MLLT3: variants seen among roughly 807,000 people sequenced by gnomAD.
The protein encoded by MLLT3 is MLLT3 super elongation complex subunit.
A neutral mutation model predicts 53.2 loss-of-function variants in MLLT3; 4 were observed. The observed-to-expected ratio is 0.08, with a 90% CI of 0.04 to 0.17. The LOEUF is 0.17. Among genes scored for constraint, MLLT3 ranks in the 10% least tolerant of loss-of-function variants. MLLT3 has a pLI of 1.00. For synonymous variants in MLLT3, 283 were observed against 230.6 expected (o/e 1.23, Z -2.06); for missense variants, 569 against 684.0 (o/e 0.83, Z 1.87).
chr9:20,379,697 C>G (rs531289334), intron 5 of MLLT3, among the ~76,000 whole-genome samples: 1 of 152,126 alleles, frequency 6.6e-6, no homozygotes, highest in South Asian at 2.1e-4. Context: ...TCCTAACCAT[C>G]TGCCTTTTAA....
chr9:20,538,754 C>A (rs1221231428), intron 2 of MLLT3, among the ~76,000 whole-genome samples: 3 of 151,994 alleles, frequency 2.0e-5, no homozygotes, highest in African/African-American at 7.2e-5. Flanking sequence ...AATAAAACAC[C>A]AATGTTTTTT....
intron 2 of MLLT3, among the ~76,000 whole-genome samples, chr9:20,495,807 T>C (rs1407947872): frequency 6.6e-6 from 1 of 152,188 alleles, no homozygotes; most frequent in East Asian, 1.9e-4. Context: ...ATTGACCAAT[T>C]TGAGGAAGCA....
At chr9:20,550,047 A>C (rs972390559) in intron 2 of MLLT3, among the ~76,000 whole-genome samples, 2 of 152,232 alleles carry the variant, frequency 1.3e-5, no homozygotes, top group African/African-American at 4.8e-5. Context: ...TAATATCATG[A>C]ACTCCAAACC....
intron 2 of MLLT3, among the ~76,000 whole-genome samples, chr9:20,479,507 C>T (rs902844916): frequency 6.6e-6 from 1 of 151,948 alleles, no homozygotes; most frequent in African/African-American, 2.4e-5. Flanking sequence ...AAGCTGAGAC[C>T]TTTTCCATTT....
chr9:20,580,867 A>C (rs984989125), intron 2 of MLLT3, among the ~76,000 whole-genome samples: 1 of 152,212 alleles, frequency 6.6e-6, no homozygotes, highest in African/African-American at 2.4e-5. Context: ...CCAGAACTAC[A>C]ACAATTTACA....
At chr9:20,386,004 C>G (rs1026339021) in intron 5 of MLLT3, among the ~76,000 whole-genome samples, 1 of 152,154 alleles carries the variant, frequency 6.6e-6, no homozygotes, top group African/African-American at 2.4e-5. Context: ...TCACTCCACT[C>G]TGGTTCTGGT....
At chr9:20,550,026 G>T (rs953703010) in intron 2 of MLLT3, among the ~76,000 whole-genome samples, 1 of 152,128 alleles carries the variant, frequency 6.6e-6, no homozygotes, top group Non-Finnish European at 1.5e-5. Context: ...TGCTAACTAA[G>T]GAATTGCTTC....
intron 5 of MLLT3, among the ~76,000 whole-genome samples, chr9:20,367,085 A>T (rs1563938819): frequency 6.6e-6 from 1 of 152,236 alleles, no homozygotes; most frequent in South Asian, 2.1e-4. Flanking sequence ...GAGTCAAGGG[A>T]AAATGTCGCC....
intron 4 of MLLT3, among the ~76,000 whole-genome samples, chr9:20,429,200 G>T (rs983851303): frequency 7.2e-5 from 11 of 151,854 alleles, no homozygotes; most frequent in Non-Finnish European, 1.5e-4. Flanking sequence ...AGACCCCACT[G>T]CTAAAAAAGA....
rs193233706 is a variant in MLLT3, at chr9:20,344,901, T to G, written c.*1542A>C. The G allele has an allele frequency of 1.1e-4, 23 of 212,786 alleles. No individual in the cohort carries two copies. Among genetic ancestry groups the G allele is most frequent in the Middle Eastern group, 1.5e-3 (1 of 646 alleles). 13.2% of individuals were successfully genotyped at this position (212,786 alleles called of 1,614,324 possible). ...TGGTCTATTAGCACACATAGAGACT[T>G]TCTTAAGGCTGATCCAGTGACGAAC... is the stretch of plus-strand genomic sequence containing the variant. On this transcript the variant is annotated 3_prime_UTR_variant, in exon 11 of 11. Transcript: ENST00000380338.
chr9:20,424,594 A>C (rs1324022844), intron 4 of MLLT3, among the ~76,000 whole-genome samples: 1 of 152,210 alleles, frequency 6.6e-6, no homozygotes, highest in Non-Finnish European at 1.5e-5. Context: ...AGAATTTGAA[A>C]TATTTTACAC....
At chr9:20,531,079 CTTT>C (rs371687632) in intron 2 of MLLT3, among the ~76,000 whole-genome samples, 4 of 125,242 alleles carry the variant, frequency 3.2e-5, no homozygotes, top group Non-Finnish European at 5.2e-5. Context: ...TTGCTTTTAG[CTTT>C]TTTTTTTTTT....
At chr9:20,588,154 A>G (rs1316074591) in intron 2 of MLLT3, among the ~76,000 whole-genome samples, 1 of 152,012 alleles carries the variant, frequency 6.6e-6, no homozygotes, top group Non-Finnish European at 1.5e-5. Context: ...ATAGTTGTAG[A>G]TATGCGGCGT....
At chr9:20,483,998 A>C (rs1016557711) in intron 2 of MLLT3, among the ~76,000 whole-genome samples, 2 of 152,062 alleles carry the variant, frequency 1.3e-5, no homozygotes, top group East Asian at 1.9e-4. Context: ...GGAGTGAGCC[A>C]CCGTGCCCGG....
Position 20,414,070 on chromosome 9 carries a change from A to T in MLLT3, c.776T>A (p.Met259Lys), listed in dbSNP as rs1822801198. 6.2e-7 allele frequency: 1 copy of T among 1,613,850 alleles called. No individual in the cohort carries two copies. Among genetic ancestry groups the T allele is most frequent in the African/African-American group, 1.3e-5 (1 of 74,864 alleles). Reference sequence around the variant, plus strand: ...ACTATCTGGTTTTGGCTCTTTTGACATGGGTTTAGGTTCCTTGAAGGCCAT... The same window carrying T: ...ACTATCTGGTTTTGGCTCTTTTGACTTGGGTTTAGGTTCCTTGAAGGCCAT... ...PKMAFKEPKP[M>K]SKEPKPDSNL... The change falls in exon 5 of 11, where the codon ATG becomes AAG. Residue 259 changes from methionine (M) to lysine (K), a missense_variant. Transcript: ENST00000380338.
chr9:20,448,104 A>G lies in MLLT3; in HGVS notation c.420+19T>C, dbSNP rs756206214. On this transcript the variant is annotated intron_variant, in intron 4 of 10. Coordinates refer to ENST00000380338, the MANE Select transcript of MLLT3 (RefSeq NM_004529.4). This position sits in a 1 kb window ranked among gnomAD's most constrained non-coding sequence, Gnocchi z 4.0. ...TTGTTTTTTAATAGGAATGCTTTTC[A>G]CAAGAGAGTGCCACTTACCCCTCCT... 1 of 1,600,242 alleles carries G rather than the reference A, an allele frequency of 6.2e-7. No individual in the cohort carries two copies. The highest frequency in any genetic ancestry group is 1.7e-5 in the Admixed American group (1 of 57,304).
chr9:20,351,731 C>G (rs138267960), intron 10 of MLLT3, among the ~76,000 whole-genome samples: 31 of 152,192 alleles, frequency 2.0e-4, no homozygotes, highest in Non-Finnish European at 3.4e-4. Context: ...CAAGTCTGCA[C>G]GGCAGAGAAT....
chr9:20,514,508 A>T (rs532044127), intron 2 of MLLT3, among the ~76,000 whole-genome samples: 10 of 151,348 alleles, frequency 6.6e-5, no homozygotes, highest in East Asian at 1.9e-4. Context: ...GGTTTTTATT[A>T]TTTTTTTATT....
intron 10 of MLLT3, among the ~76,000 whole-genome samples, chr9:20,350,318 G>A (rs765825319): frequency 2.1e-4 from 32 of 152,126 alleles, no homozygotes; most frequent in Non-Finnish European, 3.4e-4. Flanking sequence ...ACAGGCGGCC[G>A]GGCGCGGTGG....
Sources: allele counts gnomAD v4.1 joint callset (sites outside exome capture counted in the v4.1 genomes callset), GRCh38; gene constraint gnomAD v4.1.1; non-coding constraint Gnocchi (gnomAD v3.1); transcripts MANE v1.5; gene names NCBI Gene and HGNC (gene_info 2026-07-23, HGNC 2026-07-21).